IQCJ: variants seen among roughly 807,000 people sequenced by gnomAD.
IQCJ encodes IQ motif containing J.
In IQCJ, 9 loss-of-function variants were observed where a neutral mutation model predicts 11.0. That is an observed-to-expected ratio of 0.82 (90% CI 0.49 to 1.43). IQCJ has a LOEUF of 1.43. Ranked by LOEUF, IQCJ falls within the 40% of genes most tolerant of loss-of-function variation. The pLI is 0.00. For missense variants in IQCJ, 146 were observed against 133.2 expected, an observed-to-expected ratio of 1.10 and a Z score of -0.47; for synonymous variants, 55 against 51.3, an observed-to-expected ratio of 1.07 and a Z score of -0.31.
At chr3:159,101,828 C>T (rs78949390) in intron 1 of IQCJ, among the ~76,000 whole-genome samples, 12,041 of 152,168 alleles carry the variant, frequency 0.079, 792 homozygotes, top group East Asian at 0.35. Flanking sequence ...TCTTAACTGT[C>T]GGAAAGACTA....
chr3:159,147,361 C>T (rs750493328), intron 1 of IQCJ, among the ~76,000 whole-genome samples: 20 of 152,220 alleles, frequency 1.3e-4, no homozygotes, highest in Admixed American at 1.3e-3. Flanking sequence ...CCTTTTCAAT[C>T]ACAGCCTTTG....
chr3:159,208,663 T>C (rs985751860), intron 1 of IQCJ, among the ~76,000 whole-genome samples: 2 of 152,234 alleles, frequency 1.3e-5, no homozygotes, highest in Non-Finnish European at 2.9e-5. Context: ...ATTAACCCAA[T>C]ACTGTTACTC....
chr3:159,075,052 A>C (rs181307105), intron 1 of IQCJ, among the ~76,000 whole-genome samples: 12 of 152,312 alleles, frequency 7.9e-5, no homozygotes, highest in Admixed American at 7.8e-4. Context: ...TTGCAAATAA[A>C]GATTCACATT....
At chr3:159,085,000 C>G (rs79974514) in intron 1 of IQCJ, among the ~76,000 whole-genome samples, 1 of 151,700 alleles carries the variant, frequency 6.6e-6, no homozygotes, top group African/African-American at 2.4e-5. Flanking sequence ...ATGTGCCATG[C>G]TGCTGTGCTG....
intron 2 of IQCJ, among the ~76,000 whole-genome samples, chr3:159,251,631 CACA>C (rs1727607167): frequency 6.6e-6 from 1 of 152,060 alleles, no homozygotes; most frequent in African/African-American, 2.4e-5. Context: ...CACACACACA[CACA>C]CACCCCTACC....
chr3:159,090,692 G>C (rs933822584), intron 1 of IQCJ, among the ~76,000 whole-genome samples: 1 of 151,870 alleles, frequency 6.6e-6, no homozygotes, highest in Non-Finnish European at 1.5e-5. Flanking sequence ...GCTGTGGAGA[G>C]CGTACAGCGG....
chr3:159,181,130 G>A (rs1723067572), intron 1 of IQCJ, among the ~76,000 whole-genome samples: 1 of 151,664 alleles, frequency 6.6e-6, no homozygotes, highest in South Asian at 2.1e-4. Flanking sequence ...AACCTGCCTG[G>A]GCAATGGAAA....
intron 1 of IQCJ, among the ~76,000 whole-genome samples, chr3:159,146,506 C>A (rs1448966393): frequency 2.6e-5 from 4 of 152,086 alleles, no homozygotes; most frequent in Non-Finnish European, 5.9e-5. Flanking sequence ...CTTCTTTTAA[C>A]CCTGTCTTTA....
In IQCJ at chr3:159,262,503, A is replaced by T. The variant is rs74923751; in HGVS notation, c.156-45A>T. ...CTGAGTCTGTGGACCATGATCCAAC[A>T]GTAATCATGTGTGTGCTGTTTTTTG... On this transcript the variant is annotated intron_variant, in intron 3 of 3. Coordinates refer to ENST00000397832, the MANE Select transcript of IQCJ (RefSeq NM_001042706.3). The T allele has an allele frequency of 5.6e-6, 9 of 1,593,688 alleles. No individual in the cohort carries two copies. The South Asian group carries it at 7.8e-5, about 14-fold the overall frequency.
chr3:159,192,542 T>C (rs1723748917), intron 1 of IQCJ, among the ~76,000 whole-genome samples: 1 of 152,178 alleles, frequency 6.6e-6, no homozygotes, highest in African/African-American at 2.4e-5. Flanking sequence ...ACTCTGGAGC[T>C]AGCATGGCCC....
intron 1 of IQCJ, among the ~76,000 whole-genome samples, chr3:159,106,758 C>T (rs1301827186): frequency 6.6e-6 from 1 of 152,128 alleles, no homozygotes; most frequent in Non-Finnish European, 1.5e-5. Flanking sequence ...AGACACCAAT[C>T]ACAAGTTTAG....
intron 1 of IQCJ, among the ~76,000 whole-genome samples, chr3:159,237,532 G>A (rs565966687): frequency 2.6e-5 from 4 of 152,266 alleles, no homozygotes; most frequent in Non-Finnish European, 5.9e-5. Flanking sequence ...GGAAGCCTGG[G>A]AAGTAGTCAG....
intron 1 of IQCJ, among the ~76,000 whole-genome samples, chr3:159,087,573 T>C (rs1716882357): frequency 6.6e-6 from 1 of 151,202 alleles, no homozygotes; most frequent in Non-Finnish European, 1.5e-5. Flanking sequence ...TGGTAAGCTA[T>C]TGATTATTGC....
chr3:159,166,395 G>T (rs1027842834), intron 1 of IQCJ, among the ~76,000 whole-genome samples: 11 of 152,226 alleles, frequency 7.2e-5, no homozygotes, highest in Admixed American at 4.6e-4. Flanking sequence ...CTCAGTTATG[G>T]CTTTGCCAAC....
At chr3:159,173,417 C>CGT (rs1722606635) in intron 1 of IQCJ, among the ~76,000 whole-genome samples, 1 of 152,072 alleles carries the variant, frequency 6.6e-6, no homozygotes, top group Non-Finnish European at 1.5e-5. Flanking sequence ...TTAGTAGAAA[C>CGT]GTGTTGATTT....
chr3:159,176,706 A>G (rs184796317), intron 1 of IQCJ, among the ~76,000 whole-genome samples: 16 of 152,330 alleles, frequency 1.1e-4, no homozygotes, highest in Admixed American at 3.3e-4. Context: ...CATGTACTCA[A>G]TGCGAAAATT....
chr3:159,138,629 A>G (rs578226378), intron 1 of IQCJ, among the ~76,000 whole-genome samples: 46 of 152,252 alleles, frequency 3.0e-4, no homozygotes, highest in Non-Finnish European at 3.7e-4. Context: ...ACATAAAGTG[A>G]GGAGAAATTG....
At chr3:159,121,705 TG>T (rs1177635293) in intron 1 of IQCJ, among the ~76,000 whole-genome samples, 1 of 152,198 alleles carries the variant, frequency 6.6e-6, no homozygotes, top group Non-Finnish European at 1.5e-5. Context: ...AGAAGCCTTT[TG>T]AAACACATTT....
intron 1 of IQCJ, among the ~76,000 whole-genome samples, chr3:159,079,763 G>A (rs932959593): frequency 1.3e-4 from 20 of 152,006 alleles, no homozygotes; most frequent in African/African-American, 3.9e-4. Context: ...GTATTTGATC[G>A]GGTAGACATT....
Sources: gnomAD v4.1 joint callset for allele counts (sites outside exome capture counted in the v4.1 genomes callset) on GRCh38, gnomAD v4.1.1 for gene constraint, MANE v1.5 for transcripts, NCBI Gene and HGNC (gene_info 2026-07-23, HGNC 2026-07-21) for gene names.